Variants in MTERF3 observed in about 807,000 individuals in gnomAD.
The protein encoded by MTERF3 is mitochondrial transcription termination factor 3, also known as transcription termination factor 3, mitochondrial.
In MTERF3, 40 loss-of-function variants were observed where a neutral mutation model predicts 40.5. The observed-to-expected ratio is 0.99, with a 90% CI of 0.77 to 1.29. The LOEUF (loss-of-function observed/expected upper bound fraction) is 1.29, where lower values mean the gene tolerates loss of function less well. Among genes scored for constraint, MTERF3 ranks in the 50% most tolerant of loss-of-function variants. The pLI is 0.00. For synonymous variants in MTERF3, 158 were observed against 166.6 expected, an observed-to-expected ratio of 0.95 and a Z score of 0.40; for missense variants, 452 against 478.2, an observed-to-expected ratio of 0.95 and a Z score of 0.51.
At chr8:96,249,697 C>T (rs544492283) in intron 4 of MTERF3, among the ~76,000 whole-genome samples, 1 of 152,210 alleles carries the variant, frequency 6.6e-6, no homozygotes, top group East Asian at 1.9e-4. Flanking sequence ...TCTGGAGGGT[C>T]ATGACTAGAG....
intron 3 of MTERF3, among the ~76,000 whole-genome samples, chr8:96,255,420 C>T (rs1047241153): frequency 1.3e-5 from 2 of 152,134 alleles, no homozygotes; most frequent in African/African-American, 4.8e-5. Flanking sequence ...GGACAGATCC[C>T]TTGAGGCCAA....
intron 4 of MTERF3, among the ~76,000 whole-genome samples, chr8:96,248,488 T>G (rs1810062984): frequency 6.6e-6 from 1 of 152,356 alleles, no homozygotes; most frequent in Admixed American, 6.5e-5. Flanking sequence ...GTATTTGTAT[T>G]CATGTGTGTA....
At chr8:96,249,586 GT>G (rs936881662) in intron 4 of MTERF3, among the ~76,000 whole-genome samples, 4 of 151,420 alleles carry the variant, frequency 2.6e-5, no homozygotes, top group East Asian at 3.9e-4. Context: ...TTTTTGTTTA[GT>G]TTTTTTTCCT....
chr8:96,245,689 A>C (rs1200564311), intron 6 of MTERF3, among the ~76,000 whole-genome samples, 171 bp downstream of exon 6: 1 of 152,236 alleles, frequency 6.6e-6, no homozygotes, highest in African/African-American at 2.4e-5. Context: ...TATTAACTGA[A>C]ACAAACTGCT....
chr8:96,242,458 T>C (rs1809946667), intron 7 of MTERF3, among the ~76,000 whole-genome samples: 1 of 152,152 alleles, frequency 6.6e-6, no homozygotes, highest in Non-Finnish European at 1.5e-5. Flanking sequence ...AGGGCTTGGG[T>C]TTTTAAACTG....
Position 96,257,027 on chromosome 8 carries a change from G to A in MTERF3, c.422C>T (p.Pro141Leu). ...IQIIADPPLP[P>L]ASFTLRDYVD... Reference sequence around the variant, plus strand: ...ATAGTCTCGAAGTGTGAATGAAGCTGGTGGCAATGGAGGGTCTGCAATAAT... The same window carrying A: ...ATAGTCTCGAAGTGTGAATGAAGCTAGTGGCAATGGAGGGTCTGCAATAAT... Residue 141 changes from proline to leucine, a missense_variant, in exon 3 of 8, where the codon CCA (proline) becomes CTA (leucine). Transcript: ENST00000287025. 1 of 1,614,016 alleles carries A rather than the reference G, an allele frequency of 6.2e-7. No homozygotes were observed. The highest frequency in any genetic ancestry group is 8.5e-7 in the Non-Finnish European group (1 of 1,179,920).
chr8:96,250,679 AGAAGGAGGAGGAGGAGG>A (rs1563549076), intron 4 of MTERF3, among the ~76,000 whole-genome samples: 10 of 34,418 alleles, frequency 2.9e-4, no homozygotes, highest in African/African-American at 9.3e-4. Flanking sequence ...AAGAAGAAGA[AGAAGGAGGAGGAGGAGG>A]GGGGGAGGGG....
intron 2 of MTERF3, 120 bp from the exon 3 acceptor site, chr8:96,257,234 T>G: frequency 9.4e-7 from 1 of 1,065,426 alleles, no homozygotes; most frequent in East Asian, 2.6e-5. Flanking sequence ...ATTTTAGAAT[T>G]AAACATCCAA....
chr8:96,245,118 C>CA (rs1469380735), intron 6 of MTERF3, among the ~76,000 whole-genome samples: 1 of 152,078 alleles, frequency 6.6e-6, no homozygotes, highest in African/African-American at 2.4e-5. Context: ...GTAACTGCCC[C>CA]CATCACTCTG....
At position 96,258,701 on chromosome 8, in the gene MTERF3, C is replaced by T. The variant is rs1343488448; in HGVS notation, c.-10-1G>A. 2.5e-6 allele frequency: 4 copies of T among 1,575,454 alleles called. No individual in the cohort carries two copies. Among genetic ancestry groups the T allele is most frequent in the Admixed American group, 3.6e-5 (2 of 55,682 alleles). ...GGCTGACAAAGCCATTTTTCTTAGTCTACAAAGGAAAGATATAACCGTCAA... is the reference window on the plus strand; with the variant it reads ...GGCTGACAAAGCCATTTTTCTTAGTTTACAAAGGAAAGATATAACCGTCAA... On this transcript the variant is annotated splice_acceptor_variant, in intron 1 of 7. Transcript: ENST00000287025. LOFTEE classifies it low-confidence loss of function (5UTR_SPLICE).
At chr8:96,252,157 T>C (rs1810197378) in intron 3 of MTERF3, among the ~76,000 whole-genome samples, 1 of 152,224 alleles carries the variant, frequency 6.6e-6, no homozygotes, top group Non-Finnish European at 1.5e-5. Context: ...GTAAGTCCAT[T>C]AAACCTCTTC....
intron 7 of MTERF3, among the ~76,000 whole-genome samples, chr8:96,243,249 A>G (rs1809960035): frequency 6.6e-6 from 1 of 152,240 alleles, no homozygotes. Flanking sequence ...CATTTATCCA[A>G]TAAATACTGA....
chr8:96,241,138 G>A (rs138314189), intron 7 of MTERF3, among the ~76,000 whole-genome samples: 1,937 of 152,114 alleles, frequency 0.013, 23 homozygotes, highest in Non-Finnish European at 0.02. Context: ...CCGGCCGGGC[G>A]CGGTGGCTCA....
intron 4 of MTERF3, 120 bp downstream of exon 4, chr8:96,250,786 A>G (rs979027657): frequency 5.2e-6 from 5 of 956,092 alleles, no homozygotes; most frequent in East Asian, 2.9e-5. Flanking sequence ...GTCTATAACA[A>G]AAAAAATTCA....
intron 4 of MTERF3, among the ~76,000 whole-genome samples, chr8:96,248,386 T>C (rs927140693): frequency 3.9e-5 from 6 of 152,188 alleles, no homozygotes; most frequent in Non-Finnish European, 7.3e-5. Flanking sequence ...TTAAAAAGAA[T>C]AGGCAGCACC....
chr8:96,248,780 AT>A (rs1446283861), intron 4 of MTERF3, among the ~76,000 whole-genome samples: 1 of 152,198 alleles, frequency 6.6e-6, no homozygotes, highest in Non-Finnish European at 1.5e-5. Flanking sequence ...TTCTACAAGG[AT>A]TTTTTAAATA....
At chr8:96,250,460 C>G (rs1176777382) in intron 4 of MTERF3, among the ~76,000 whole-genome samples, 1 of 145,070 alleles carries the variant, frequency 6.9e-6, no homozygotes, top group Admixed American at 6.9e-5. Context: ...CTGTAAAATC[C>G]CAGCACTTTG....
In MTERF3 at chr8:96,258,557, G is replaced by C. The variant is rs1329656131; in HGVS notation, c.134C>G (p.Pro45Arg). The change falls in exon 2 of 8, where the codon CCT becomes CGT. Residue 45 changes from proline to arginine, a missense_variant. By Grantham distance (103) the Pro-to-Arg change is moderately radical (BLOSUM62 -2). Transcript: ENST00000287025. ...AAAGCAATTGTCAGAGGATATCTGA[G>C]GCTGAGCAGAAAAGCCATGTAACAG... ...RTLLHGFSAQ[P>R]QISSDNCFLQ... 6 of 1,614,032 alleles carry C rather than the reference G, an allele frequency of 3.7e-6. No individual in the cohort carries two copies. Among genetic ancestry groups the C allele is most frequent in the Non-Finnish European group, 4.2e-6 (5 of 1,180,008 alleles).
In MTERF3 at chr8:96,250,684, GA is replaced by G. The variant is rs1563549107; in HGVS notation, c.677+221del. Among the ~76,000 whole-genome samples, 27 of 13,552 alleles carry G rather than the reference GA, an allele frequency of 2.0e-3. 1 individual carries two copies. The highest frequency in any genetic ancestry group is 3.1e-3 in the African/African-American group (20 of 6,500). 8.9% of individuals were successfully genotyped at this position (13,552 alleles called of 152,430 possible). A position where few individuals can be genotyped will look rare whatever the true frequency, so the allele number is the denominator to read the frequency against. ...GAAGAAGAAGAAGAAGAAGAAGAAG[GA>G]GGAGGAGGAGGGGGGGAGGGGGAGG... On this transcript the variant is annotated intron_variant, in intron 4 of 7. Transcript: ENST00000287025.
Sources: allele counts gnomAD v4.1 joint callset (sites outside exome capture counted in the v4.1 genomes callset), GRCh38; gene constraint gnomAD v4.1.1; transcripts MANE v1.5; gene names NCBI Gene and HGNC (gene_info 2026-07-23, HGNC 2026-07-21).